CLK4: variants seen among roughly 807,000 people sequenced by gnomAD.
The protein encoded by CLK4 is dual specificity protein kinase CLK4.
A neutral mutation model predicts 64.4 loss-of-function variants in CLK4; 37 were observed. That is an observed-to-expected ratio of 0.57 (90% CI 0.44 to 0.76). CLK4 has a LOEUF of 0.76. Ranked by LOEUF, CLK4 falls within the 30% of genes least tolerant of loss-of-function variation. The pLI is 0.00. For missense variants in CLK4, 457 were observed against 605.1 expected (o/e 0.76, Z 2.57); for synonymous variants, 175 against 191.6 (o/e 0.91, Z 0.72).
chr5:178,625,777 C>T (rs1405097851), intron 1 of CLK4, among the ~76,000 whole-genome samples: 1 of 152,192 alleles, frequency 6.6e-6, no homozygotes. Flanking sequence ...CAAAATTCTT[C>T]TCAAGTTCAC....
chr5:178,621,593 C>T (rs977655238), intron 2 of CLK4, among the ~76,000 whole-genome samples: 2 of 152,100 alleles, frequency 1.3e-5, no homozygotes, highest in African/African-American at 4.8e-5. Context: ...CGGACAAATT[C>T]GTTAGAAATT....
chr5:178,610,245 G>A (rs998459489), intron 9 of CLK4, among the ~76,000 whole-genome samples: 3 of 151,854 alleles, frequency 2.0e-5, no homozygotes, highest in South Asian at 4.1e-4. Context: ...AGCCGAGATC[G>A]TGCCACTGCA....
Position 178,603,936 on chromosome 5 carries a change from T to TAAA in CLK4, c.1215-3_1215-2insTTT. 1.3e-6 allele frequency: 2 copies of TAAA among 1,573,106 alleles called. No homozygotes were observed. Among genetic ancestry groups the TAAA allele is most frequent in the Non-Finnish European group, 1.7e-6 (2 of 1,162,194 alleles). On this transcript the variant is annotated splice_region_variant and splice_polypyrimidine_tract_variant and intron_variant, in intron 11 of 12. Coordinates refer to ENST00000316308, the MANE Select transcript of CLK4 (RefSeq NM_020666.3). ...TTATGGTGAAAATACTTGCGTTTTC[T>TAAA]ACAGAAAAAAAAAAAAAGTCTGGAT... is the stretch of plus-strand genomic sequence containing the variant.
In CLK4 at chr5:178,603,622, T is replaced by C. The variant is rs927794690; in HGVS notation, c.1441A>G (p.Lys481Glu). Residue 481 changes from lysine (K) to glutamate (E), a missense_variant, in exon 13 of 13, where the codon AAA becomes GAA. Lys to Glu is a moderately conservative substitution (Grantham distance 56). Transcript: ENST00000316308. Reference protein sequence around the residue: ...QHPFFDLLKKK With the variant: ...QHPFFDLLKKE ...TAAGACCACTGATTCCCATTTCATTTCTTTTTTAATAAGTCAAAGAAAGGA... is the reference window on the plus strand; with the variant it reads ...TAAGACCACTGATTCCCATTTCATTCCTTTTTTAATAAGTCAAAGAAAGGA... The C allele has an allele frequency of 5.1e-6, 8 of 1,565,050 alleles. No homozygotes were observed. The highest frequency in any genetic ancestry group is 2.1e-5 in the Admixed American group (1 of 47,838).
At position 178,623,404 on chromosome 5, in the gene CLK4, T is replaced by A; in HGVS notation, c.13A>T (p.Lys5Ter). 6.2e-7 allele frequency: 1 copy of A among 1,610,514 alleles called. No homozygotes were observed. The highest frequency in any genetic ancestry group is 8.5e-7 in the Non-Finnish European group (1 of 1,178,912). ...TCCCAATCAGGACAGTGAGTTCTTTTGGAATGCCGCATCTGTTGATAGAAA... is the reference window on the plus strand; with the variant it reads ...TCCCAATCAGGACAGTGAGTTCTTTAGGAATGCCGCATCTGTTGATAGAAA... MRHS[K>*]RTHCPDWDSR... Residue 5 changes from lysine (K) to a stop codon, truncating the protein, a stop_gained, in exon 2 of 13, where the codon AAA becomes TAA. Coordinates refer to ENST00000316308, the MANE Select transcript of CLK4 (RefSeq NM_020666.3). LOFTEE classifies it high-confidence loss of function.
chr5:178,611,618 G>A (rs1764559340), intron 9 of CLK4, among the ~76,000 whole-genome samples: 1 of 152,100 alleles, frequency 6.6e-6, no homozygotes, highest in Admixed American at 6.6e-5. Flanking sequence ...TCTACTCTAG[G>A]TAAGTATCAA....
chr5:178,626,593 C>T (rs1764783434), intron 1 of CLK4, among the ~76,000 whole-genome samples: 1 of 152,256 alleles, frequency 6.6e-6, no homozygotes, highest in African/African-American at 2.4e-5. Flanking sequence ...ACACGAATGC[C>T]AGAGACGGCT....
rs149683662 is a variant in CLK4, at chr5:178,617,141, C to T, written c.476-193G>A. 6.9e-4 allele frequency: 445 copies of T among 641,102 alleles called. 3 individuals carry two copies. The highest frequency in any genetic ancestry group is 1.1e-3 in the Non-Finnish European group (387 of 365,834). 39.7% of individuals were successfully genotyped at this position (641,102 alleles called of 1,614,324 possible). On this transcript the variant is annotated intron_variant, in intron 4 of 12. Transcript: ENST00000316308. The surrounding 1 kb of genome is among the most constrained non-coding windows in gnomAD (Gnocchi z 5.2). ...ATAGAGCTATCTTTCTTGCTCTAAT[C>T]TCAAATTCCACTGATTATTTTGGAA...
intron 8 of CLK4, 37 bp from the exon 9 acceptor site, chr5:178,612,582 A>T (rs1764572407): frequency 1.9e-6 from 3 of 1,604,224 alleles, no homozygotes. Flanking sequence ...GAAACTCAAT[A>T]GATACATTTT....
intron 2 of CLK4, among the ~76,000 whole-genome samples, chr5:178,620,881 A>C (rs1276014146): frequency 2.6e-5 from 4 of 152,214 alleles, no homozygotes; most frequent in African/African-American, 9.6e-5. Context: ...ATGGAAATAG[A>C]GTTGCATCTT....
In CLK4 at chr5:178,617,286, T is replaced by C; in HGVS notation, c.475+58A>G. 1 of 1,403,308 alleles carries C rather than the reference T, an allele frequency of 7.1e-7. No individual in the cohort carries two copies. The highest frequency in any genetic ancestry group is 1.2e-5 in the South Asian group (1 of 86,476). The allele number at this position is 1,403,308 out of a possible 1,614,324, so 86.9% of individuals were successfully genotyped here. On this transcript the variant is annotated intron_variant, in intron 4 of 12. Coordinates refer to ENST00000316308, the MANE Select transcript of CLK4 (RefSeq NM_020666.3). The surrounding 1 kb of genome is among the most constrained non-coding windows in gnomAD (Gnocchi z 5.2). ...TCTTTAGCCCCCCGCTGACAAACTA[T>C]TCTTAAAAAGATTATTCTTTCTGCA... is the stretch of plus-strand genomic sequence containing the variant.
At chr5:178,620,362 G>A (rs762267945) in intron 2 of CLK4, 1 of 234,932 alleles carries the variant, frequency 4.3e-6, no homozygotes, top group Non-Finnish European at 8.7e-6. Flanking sequence ...TCTTTAGCTG[G>A]AATACTGCAT....
intron 9 of CLK4, among the ~76,000 whole-genome samples, chr5:178,610,558 A>G (rs1034142263): frequency 6.6e-6 from 1 of 152,098 alleles, no homozygotes; most frequent in Non-Finnish European, 1.5e-5. Flanking sequence ...CCTCAAGGCC[A>G]GGGACTCCAA....
At chr5:178,609,412 GT>G (rs1335588741) in intron 9 of CLK4, among the ~76,000 whole-genome samples, 17 of 152,302 alleles carry the variant, frequency 1.1e-4, no homozygotes, top group Admixed American at 1.0e-3. Context: ...GCCAGGCGCG[GT>G]GGCTCATGCC....
chr5:178,614,169 T>C (rs1440076981), intron 5 of CLK4, among the ~76,000 whole-genome samples: 1 of 152,248 alleles, frequency 6.6e-6, no homozygotes, highest in East Asian at 1.9e-4. Context: ...AAAGCATTCA[T>C]TCATTTACCA....
intron 7 of CLK4, 121 bp downstream of exon 7, chr5:178,613,352 C>G (rs970047324): frequency 1.7e-6 from 1 of 587,274 alleles, no homozygotes; most frequent in African/African-American, 1.9e-5. Context: ...ACCCGGGAGG[C>G]TGAGCTTGCT....
chr5:178,603,458 A>T lies in CLK4; in HGVS notation c.*159T>A. 2.1e-6 allele frequency: 1 copy of T among 466,960 alleles called. No homozygotes were observed. Among genetic ancestry groups the T allele is most frequent in the Non-Finnish European group, 3.6e-6 (1 of 279,034 alleles). The allele number at this position is 466,960 out of a possible 1,614,324, so 28.9% of individuals were successfully genotyped here. ...TGCATTATCAAGACCATACTTGCTTAACAAGTTAATTATGCTATTGATACA... is the reference window on the plus strand; with the variant it reads ...TGCATTATCAAGACCATACTTGCTTTACAAGTTAATTATGCTATTGATACA... On this transcript the variant is annotated 3_prime_UTR_variant, in exon 13 of 13. Transcript: ENST00000316308.
intron 5 of CLK4, 126 bp from the exon 6 acceptor site, chr5:178,613,969 T>C (rs1054511955): frequency 1.4e-5 from 9 of 627,562 alleles, no homozygotes; most frequent in African/African-American, 3.7e-5. Context: ...TCAGAACATA[T>C]TATAGCAGAT....
Position 178,603,065 on chromosome 5 carries a change from G to A in CLK4, c.*552C>T, listed in dbSNP as rs879880176. The A allele has an allele frequency of 4.9e-4, 75 of 152,368 alleles. No individual in the cohort carries two copies. Among genetic ancestry groups the A allele is most frequent in the Non-Finnish European group, 1.2e-4 (8 of 67,988 alleles). The allele number at this position is 152,368 out of a possible 1,614,324, so 9.4% of individuals were successfully genotyped here. On this transcript the variant is annotated 3_prime_UTR_variant, in exon 13 of 13. Coordinates refer to ENST00000316308, the MANE Select transcript of CLK4 (RefSeq NM_020666.3). ...CTGCATGCCTTTCCATGAATGTCTG[G>A]TTATCACCCTGACATCACCCAATGA...
Sources: gnomAD v4.1 joint callset for allele counts (sites outside exome capture counted in the v4.1 genomes callset) on GRCh38, gnomAD v4.1.1 for gene constraint, Gnocchi (gnomAD v3.1) non-coding constraint, MANE v1.5 for transcripts, NCBI Gene and HGNC (gene_info 2026-07-23, HGNC 2026-07-21) for gene names.